WDR49: variants seen among roughly 807,000 people sequenced by gnomAD.
WDR49 encodes cilia- and flagella-associated protein 337.
WDR49 carries 107 observed loss-of-function variants against 119.5 expected under a neutral mutation model. The ratio of observed to expected loss-of-function variants is 0.90; its 90% CI spans 0.77 to 1.05. The LOEUF (loss-of-function observed/expected upper bound fraction) is 1.05. Among genes scored for constraint, WDR49 ranks in the 50% least tolerant of loss-of-function variants. WDR49 has a pLI of 0.00. For missense variants in WDR49, 1,240 were observed against 1,220.5 expected (o/e 1.02, Z -0.24); for synonymous variants, 425 against 418.8 (o/e 1.01, Z -0.18).
At position 167,621,008 on chromosome 3, in the gene WDR49, CCT is replaced by C. The variant is rs370130923; in HGVS notation, c.784-407_784-406del. Among the ~76,000 whole-genome samples, 335 of 149,602 alleles carry C rather than the reference CCT, an allele frequency of 2.2e-3. 3 individuals carry two copies. The highest frequency in any genetic ancestry group is 0.013 in the South Asian group (61 of 4,708). On this transcript the variant is annotated intron_variant, in intron 4 of 18. Transcript: ENST00000682715. ...TCCAATATCTAGGTTTCAGAGCTGC[CCT>C]CTCTAATCCTTTTGTTATATGATAC...
intron 10 of WDR49, among the ~76,000 whole-genome samples, chr3:167,547,030 T>C (rs1003629945): frequency 2.6e-5 from 4 of 151,810 alleles, no homozygotes. Flanking sequence ...ATAAATTGTA[T>C]GTAAGAATTA....
At chr3:167,553,171 C>CAAT (rs1273445757) in intron 10 of WDR49, among the ~76,000 whole-genome samples, 1 of 151,880 alleles carries the variant, frequency 6.6e-6, no homozygotes, top group South Asian at 2.1e-4. Context: ...TTAAATCCAC[C>CAAT]AATATAAAGT....
chr3:167,527,315 A>G (rs1752671157), intron 15 of WDR49, among the ~76,000 whole-genome samples: 1 of 152,252 alleles, frequency 6.6e-6, no homozygotes, highest in African/African-American at 2.4e-5. Flanking sequence ...TTCTTGAAAA[A>G]CATCTTAGAA....
chr3:167,553,699 C>A (rs2108264847), intron 10 of WDR49, among the ~76,000 whole-genome samples: 1 of 152,070 alleles, frequency 6.6e-6, no homozygotes, highest in East Asian at 1.9e-4. Flanking sequence ...GATCATGAAT[C>A]CTTTCAGAGA....
At chr3:167,566,822 ATACT>A (rs1312610441) in intron 8 of WDR49, 4 of 643,210 alleles carry the variant, frequency 6.2e-6, no homozygotes, top group African/African-American at 1.8e-5. Context: ...AAGAGAAAAT[ATACT>A]TACTATTTAT....
intron 3 of WDR49, among the ~76,000 whole-genome samples, chr3:167,622,867 T>C (rs891864286): frequency 6.6e-6 from 1 of 152,090 alleles, no homozygotes; most frequent in Non-Finnish European, 1.5e-5. Flanking sequence ...ATATAAATTA[T>C]ATTCTCCAAA....
At chr3:167,498,651 T>TA (rs1378141261) in intron 18 of WDR49, among the ~76,000 whole-genome samples, 1 of 152,148 alleles carries the variant, frequency 6.6e-6, no homozygotes, top group African/African-American at 2.4e-5. Flanking sequence ...TCTCTTAGGT[T>TA]AAAAAAGAGT....
intron 7 of WDR49, among the ~76,000 whole-genome samples, chr3:167,595,372 A>C (rs1346421130): frequency 6.6e-6 from 1 of 152,206 alleles, no homozygotes; most frequent in Non-Finnish European, 1.5e-5. Context: ...AAACTACTTT[A>C]AAGTTCATAT....
At chr3:167,501,829 C>A (rs1419643803) in intron 17 of WDR49, among the ~76,000 whole-genome samples, 1 of 152,070 alleles carries the variant, frequency 6.6e-6, no homozygotes, top group African/African-American at 2.4e-5. Flanking sequence ...TTCTGACGAG[C>A]AAAAATAGTT....
intron 10 of WDR49, among the ~76,000 whole-genome samples, chr3:167,552,800 G>A (rs532202539): frequency 1.3e-4 from 20 of 152,132 alleles, no homozygotes; most frequent in African/African-American, 4.8e-4. Context: ...AAATAAATCA[G>A]ATGGCATATT....
At chr3:167,636,231 T>C (rs1717613567) in intron 2 of WDR49, among the ~76,000 whole-genome samples, 1 of 150,758 alleles carries the variant, frequency 6.6e-6, no homozygotes, top group African/African-American at 2.4e-5. Flanking sequence ...TTTCTATTCC[T>C]GAGTTACTTC....
intron 8 of WDR49, among the ~76,000 whole-genome samples, chr3:167,567,975 G>A (rs576324861): frequency 1.3e-5 from 2 of 152,200 alleles, no homozygotes; most frequent in Non-Finnish European, 2.9e-5. Flanking sequence ...GAGGTTAGCA[G>A]CTTTATAGAC....
intron 1 of WDR49, 134 bp downstream of exon 1, chr3:167,653,700 C>T (rs1185649677): frequency 1.8e-5 from 5 of 278,492 alleles, no homozygotes; most frequent in Non-Finnish European, 3.3e-5. Flanking sequence ...CTTCCTTATA[C>T]TCTGTTTAAC....
intron 5 of WDR49, among the ~76,000 whole-genome samples, chr3:167,616,629 A>G (rs528399314): frequency 1.2e-4 from 18 of 150,508 alleles, no homozygotes; most frequent in Non-Finnish European, 2.1e-4. Context: ...TATTAAAAAA[A>G]AGAGAGAGAG....
chr3:167,588,845 T>C (rs545986697), intron 7 of WDR49, among the ~76,000 whole-genome samples: 19 of 152,188 alleles, frequency 1.2e-4, no homozygotes, highest in Non-Finnish European at 2.1e-4. Flanking sequence ...TAATCCCTTG[T>C]CAGATGGATA....
chr3:167,512,860 G>A lies in WDR49; in HGVS notation c.2775-7444C>T, dbSNP rs147213851. 5.1e-4 allele frequency among the ~76,000 whole-genome samples: 77 copies of A among 152,292 alleles called. No homozygotes were observed. In the East Asian group the frequency reaches 0.01, roughly 21 times the overall value. On this transcript the variant is annotated intron_variant, in intron 16 of 18. Coordinates refer to ENST00000682715, the MANE Select transcript of WDR49 (RefSeq NM_001366157.1). ...TCCACACGGAGGACAGAATCTCAGAGCTTGATGACTATCTTGCTGAAATAA... is the reference window on the plus strand; with the variant it reads ...TCCACACGGAGGACAGAATCTCAGAACTTGATGACTATCTTGCTGAAATAA...
chr3:167,494,514 C>T (rs1019036366), intron 18 of WDR49, among the ~76,000 whole-genome samples: 1 of 151,918 alleles, frequency 6.6e-6, no homozygotes, highest in South Asian at 2.1e-4. Flanking sequence ...TGTTTAAAGC[C>T]ATCAGAAGGC....
Position 167,483,090 on chromosome 3 carries a change from G to C in WDR49, c.3032-4094C>G, listed in dbSNP as rs372897335. The stretch of plus-strand genomic sequence containing the variant: ...TGAGCATACATCTAATAGTGTCTTA[G>C]AGAAATGAAGAACTAGAGCAATAAG... On this transcript the variant is annotated intron_variant, in intron 18 of 18. Transcript: ENST00000682715. 6.1e-4 allele frequency among the ~76,000 whole-genome samples: 93 copies of C among 152,306 alleles called. 2 individuals are homozygous for C. The South Asian group carries it at 0.018, about 30-fold the overall frequency.
intron 7 of WDR49, among the ~76,000 whole-genome samples, chr3:167,582,728 C>A (rs1263579821): frequency 6.6e-6 from 1 of 151,884 alleles, no homozygotes; most frequent in African/African-American, 2.4e-5. Flanking sequence ...GGCAGGCAGA[C>A]CACTTGGGGT....
Sources: allele counts gnomAD v4.1 joint callset (sites outside exome capture counted in the v4.1 genomes callset), GRCh38; gene constraint gnomAD v4.1.1; transcripts MANE v1.5; gene names NCBI Gene and HGNC (gene_info 2026-07-23, HGNC 2026-07-21).